TACR3: variants seen among roughly 807,000 people sequenced by gnomAD.
TACR3 encodes tachykinin receptor 3.
In TACR3, 34 loss-of-function variants were observed where a neutral mutation model predicts 35.0. That is an observed-to-expected ratio of 0.97 (90% CI 0.74 to 1.30). The LOEUF (loss-of-function observed/expected upper bound fraction) is 1.30. Among genes scored for constraint, TACR3 ranks in the 50% most tolerant of loss-of-function variants. TACR3 has a pLI of 0.00. For missense variants in TACR3, 558 were observed against 591.7 expected (o/e 0.94, Z 0.59); for synonymous variants, 233 against 221.1 (o/e 1.05, Z -0.48).
intron 1 of TACR3, among the ~76,000 whole-genome samples, chr4:103,674,214 T>C (rs1388644239): frequency 6.6e-6 from 1 of 152,118 alleles, no homozygotes; most frequent in East Asian, 1.9e-4. Context: ...TAGAACACTT[T>C]ATGAGTAAAA....
chr4:103,666,768 T>C (rs1427823804), intron 1 of TACR3, among the ~76,000 whole-genome samples: 1 of 152,212 alleles, frequency 6.6e-6, no homozygotes, highest in South Asian at 2.1e-4. Flanking sequence ...ATACTATCTC[T>C]GTAATAAGTA....
At chr4:103,619,656 C>T (rs963510552) in intron 3 of TACR3, among the ~76,000 whole-genome samples, 14 of 150,402 alleles carry the variant, frequency 9.3e-5, no homozygotes, top group African/African-American at 2.5e-4. Flanking sequence ...GTTGTGGGTC[C>T]GTTACAGATG....
intron 1 of TACR3, among the ~76,000 whole-genome samples, chr4:103,668,053 A>T (rs1725971281): frequency 2.0e-5 from 3 of 152,182 alleles, no homozygotes; most frequent in Middle Eastern, 3.4e-3. Flanking sequence ...GCTGGTCTTG[A>T]AATCCTGAGT....
At chr4:103,612,240 T>C (rs533023171) in intron 3 of TACR3, among the ~76,000 whole-genome samples, 1 of 152,328 alleles carries the variant, frequency 6.6e-6, no homozygotes, top group South Asian at 2.1e-4. Context: ...ATAATTTTCC[T>C]ACTTCAGGCA....
intron 1 of TACR3, among the ~76,000 whole-genome samples, chr4:103,718,656 G>A (rs1428382513): frequency 1.3e-5 from 2 of 152,178 alleles, no homozygotes; most frequent in South Asian, 2.1e-4. Context: ...GAAGGATGAG[G>A]ATGAGGAACA....
intron 3 of TACR3, among the ~76,000 whole-genome samples, chr4:103,643,603 T>C (rs964769140): frequency 2.0e-5 from 3 of 151,842 alleles, no homozygotes. Flanking sequence ...AGTTTTTTGA[T>C]TTGTTAAATG....
chr4:103,696,616 CTTTTT>C (rs1467756259), intron 1 of TACR3, among the ~76,000 whole-genome samples: 1 of 152,028 alleles, frequency 6.6e-6, no homozygotes, highest in Middle Eastern at 3.2e-3. Context: ...TGAAGAGTTT[CTTTTT>C]TATTTTTTTA....
At chr4:103,672,003 ATTGT>A (rs1320302629) in intron 1 of TACR3, among the ~76,000 whole-genome samples, 2 of 152,094 alleles carry the variant, frequency 1.3e-5, no homozygotes, top group African/African-American at 2.4e-5. Flanking sequence ...AATATTCTAT[ATTGT>A]TTATTATTAT....
At chr4:103,669,795 T>C (rs928208387) in intron 1 of TACR3, among the ~76,000 whole-genome samples, 1 of 152,070 alleles carries the variant, frequency 6.6e-6, no homozygotes, top group Non-Finnish European at 1.5e-5. Context: ...TTACCTTTGC[T>C]GTGCAGAAGA....
chr4:103,627,488 C>A (rs1362723336), intron 3 of TACR3, among the ~76,000 whole-genome samples: 3 of 151,586 alleles, frequency 2.0e-5, no homozygotes, highest in Admixed American at 6.6e-5. Context: ...TGCTCCACGG[C>A]ACTCCAGCCT....
intron 4 of TACR3, among the ~76,000 whole-genome samples, chr4:103,590,742 A>G (rs748678085): frequency 1.3e-5 from 2 of 152,238 alleles, no homozygotes; most frequent in Non-Finnish European, 2.9e-5. Flanking sequence ...TTGGTTTATT[A>G]CAGGACTTAC....
At chr4:103,639,965 T>G (rs2110318850) in intron 3 of TACR3, among the ~76,000 whole-genome samples, 1 of 152,132 alleles carries the variant, frequency 6.6e-6, no homozygotes, top group East Asian at 1.9e-4. Flanking sequence ...TTTTAATTAA[T>G]AATCATAATT....
chr4:103,591,731 T>C (rs1723902490), intron 3 of TACR3, 48 bp from the exon 4 acceptor site: 9 of 1,511,868 alleles, frequency 6.0e-6, no homozygotes, highest in Non-Finnish European at 8.1e-6. Flanking sequence ...CTCATAATAG[T>C]TCCAATAGCT....
At position 103,702,088 on chromosome 4, in the gene TACR3, G is replaced by T. The variant is rs552652764; in HGVS notation, c.548+17040C>A. ...ACTAAAGAGCTTCAGCACAGCAAAA[G>T]AAACTACCATCAGAGTGAATAGGCA... On this transcript the variant is annotated intron_variant, in intron 1 of 4. Coordinates refer to ENST00000304883, the MANE Select transcript of TACR3 (RefSeq NM_001059.3). 1.5e-4 allele frequency among the ~76,000 whole-genome samples: 23 copies of T among 152,234 alleles called. No homozygotes were observed. In the South Asian group the frequency reaches 4.8e-3, roughly 32 times the overall value.
At chr4:103,719,091 C>T (rs1433865265) in intron 1 of TACR3, 37 bp downstream of exon 1, 3 of 1,613,138 alleles carry the variant, frequency 1.9e-6, no homozygotes, top group Non-Finnish European at 2.5e-6. Flanking sequence ...TTTTCTTTCC[C>T]TTCTCCCTCT....
At chr4:103,693,390 C>T (rs2110218241) in intron 1 of TACR3, among the ~76,000 whole-genome samples, 1 of 152,254 alleles carries the variant, frequency 6.6e-6, no homozygotes, top group East Asian at 1.9e-4. Context: ...TTAGTAATTT[C>T]AGTGTACTAA....
At chr4:103,703,826 C>T (rs911651616) in intron 1 of TACR3, among the ~76,000 whole-genome samples, 8 of 151,874 alleles carry the variant, frequency 5.3e-5, no homozygotes, top group African/African-American at 1.7e-4. Context: ...CATGGCCGGC[C>T]GTGGTGGCTC....
intron 1 of TACR3, among the ~76,000 whole-genome samples, chr4:103,696,636 A>C (rs1722525536): frequency 6.6e-6 from 1 of 152,046 alleles, no homozygotes; most frequent in Non-Finnish European, 1.5e-5. Flanking sequence ...TTTTTATGTG[A>C]AGATTTTTGC....
chr4:103,662,258 C>T (rs866728886), intron 1 of TACR3, among the ~76,000 whole-genome samples: 11 of 138,116 alleles, frequency 8.0e-5, no homozygotes, highest in East Asian at 4.3e-4. Flanking sequence ...CTTGCTCTGT[C>T]GCCCAGGCCG....
Sources: allele counts gnomAD v4.1 joint callset (sites outside exome capture counted in the v4.1 genomes callset), GRCh38; gene constraint gnomAD v4.1.1; transcripts MANE v1.5; gene names NCBI Gene and HGNC (gene_info 2026-07-23, HGNC 2026-07-21).